DEUP1: variants seen among roughly 807,000 people sequenced by gnomAD.
DEUP1 encodes the protein deuterosome assembly protein 1.
In DEUP1, 82 loss-of-function variants were observed where a neutral mutation model predicts 87.4. That is an observed-to-expected ratio of 0.94 (90% confidence interval 0.78 to 1.13). DEUP1 has a LOEUF of 1.13. DEUP1 is among the 50% of genes most tolerant of loss of function. DEUP1 has a pLI of 0.00. For synonymous variants in DEUP1, 214 were observed against 222.7 expected, an observed-to-expected ratio of 0.96 and a Z score of 0.35; for missense variants, 663 against 681.5, an observed-to-expected ratio of 0.97 and a Z score of 0.30.
chr11:93,330,412 C>G (rs552629974), upstream of DEUP1, among the ~76,000 whole-genome samples: 31 of 152,278 alleles, frequency 2.0e-4, no homozygotes, highest in African/African-American at 7.2e-4. Flanking sequence ...GGAAAGGACC[C>G]AGAATAGAGG....
chr11:93,436,541 A>G (rs1040344669), intron 13 of DEUP1, among the ~76,000 whole-genome samples: 5 of 152,206 alleles, frequency 3.3e-5, no homozygotes, highest in Non-Finnish European at 5.9e-5. Context: ...CTTCTCTAGT[A>G]GAGATACTAT....
chr11:93,378,574 C>A (rs1325149140), intron 7 of DEUP1, among the ~76,000 whole-genome samples: 4 of 152,040 alleles, frequency 2.6e-5, no homozygotes, highest in African/African-American at 9.7e-5. Context: ...ATTTTTCTGG[C>A]AATTCAGAGA....
chr11:93,385,404 G>A lies in DEUP1; in HGVS notation c.796G>A (p.Glu266Lys), dbSNP rs975498709. 1.4e-5 allele frequency: 22 copies of A among 1,613,026 alleles called. No homozygotes were observed. The highest frequency in any genetic ancestry group is 1.8e-5 in the Non-Finnish European group (21 of 1,179,662). ...TTTTGATGTTTTTATTCAGGCCATGGAAGCAGGTCTCTCAGAGGTAAAAAG... is the reference window on the plus strand; with the variant it reads ...TTTTGATGTTTTTATTCAGGCCATGAAAGCAGGTCTCTCAGAGGTAAAAAG... ...KMYQRQCQAM[E>K]AGLSEVKSEL... Residue 266 changes from glutamate to lysine, a missense_variant, in exon 8 of 14, where the codon GAA becomes AAA. Transcript: ENST00000298050.
intron 4 of DEUP1, 138 bp from the exon 5 acceptor site, chr11:93,364,022 T>C: frequency 1.6e-6 from 1 of 631,542 alleles, no homozygotes; most frequent in South Asian, 2.1e-5. Context: ...CTGTCTTCAC[T>C]AATTGAAACA....
intron 2 of DEUP1, among the ~76,000 whole-genome samples, chr11:93,340,282 A>G (rs1220831187): frequency 6.6e-6 from 1 of 152,232 alleles, no homozygotes; most frequent in East Asian, 1.9e-4. Flanking sequence ...AGACATCTGG[A>G]TATCTGGGGG....
chr11:93,357,795 CT>C (rs1446409543), intron 4 of DEUP1, among the ~76,000 whole-genome samples: 4 of 152,020 alleles, frequency 2.6e-5, no homozygotes, highest in Non-Finnish European at 5.9e-5. Flanking sequence ...ATTACTGAAC[CT>C]TTTTAAATAC....
intron 13 of DEUP1, among the ~76,000 whole-genome samples, chr11:93,427,012 G>GAAAAAAAAAAAAAAAAAAAAAAAAAA (rs1215051153): frequency 4.2e-4 from 5 of 11,844 alleles, no homozygotes; most frequent in Non-Finnish European, 5.4e-4. Context: ...AAAAAAAAAA[G>GAAAAAAAAAAAAAAAAAAAAAAAAAA]AAAAAAAAAA....
chr11:93,374,347 T>G (rs1945924667), intron 7 of DEUP1, among the ~76,000 whole-genome samples: 1 of 152,216 alleles, frequency 6.6e-6, no homozygotes. Flanking sequence ...TCATGAAGTC[T>G]TTGCCTATGC....
rs1948281935 is a variant in DEUP1, at chr11:93,437,540, T to C, written c.1639-3T>C. The C allele has an allele frequency of 1.2e-6, 2 of 1,600,488 alleles. No homozygotes were observed. The highest frequency in any genetic ancestry group is 1.7e-6 in the Non-Finnish European group (2 of 1,175,856). ...ACTCACTTTTCTTTCTTTCTCTCTT[T>C]AGTCTCCCCCAGATATGTCCTTCCC... On this transcript the variant is annotated splice_polypyrimidine_tract_variant and splice_region_variant and intron_variant, in intron 13 of 13. Coordinates refer to ENST00000298050, the MANE Select transcript of DEUP1 (RefSeq NM_181645.4).
At chr11:93,432,998 T>C (rs916701864) in intron 13 of DEUP1, among the ~76,000 whole-genome samples, 1 of 152,144 alleles carries the variant, frequency 6.6e-6, no homozygotes, top group African/African-American at 2.4e-5. Flanking sequence ...ATAATTTCAG[T>C]CAATCTCATG....
intron 4 of DEUP1, among the ~76,000 whole-genome samples, chr11:93,359,326 A>G (rs1945050225): frequency 6.6e-6 from 1 of 152,136 alleles, no homozygotes; most frequent in Admixed American, 6.5e-5. Flanking sequence ...CCTTTTAGAA[A>G]TTGCTTTCCT....
At chr11:93,418,069 A>T (rs917740490) in intron 13 of DEUP1, among the ~76,000 whole-genome samples, 1 of 152,232 alleles carries the variant, frequency 6.6e-6, no homozygotes, top group South Asian at 2.1e-4. Context: ...ACCTAAAACC[A>T]TAAAAACTGT....
At chr11:93,387,284 T>A (rs1946606735) in intron 8 of DEUP1, among the ~76,000 whole-genome samples, 1 of 152,188 alleles carries the variant, frequency 6.6e-6, no homozygotes, top group African/African-American at 2.4e-5. Context: ...ATTGTTTTGG[T>A]TTATTTTATT....
At chr11:93,432,080 T>C (rs985336297) in intron 13 of DEUP1, among the ~76,000 whole-genome samples, 1 of 152,096 alleles carries the variant, frequency 6.6e-6, no homozygotes, top group Non-Finnish European at 1.5e-5. Context: ...TTTAAGTCTA[T>C]AGAACTGGAT....
chr11:93,373,210 C>T (rs1945823763), intron 7 of DEUP1, among the ~76,000 whole-genome samples: 1 of 152,044 alleles, frequency 6.6e-6, no homozygotes, highest in African/African-American at 2.4e-5. Flanking sequence ...CTGCTTTGTC[C>T]CTTCTTCTTT....
At chr11:93,413,386 C>A (rs369054884) in intron 12 of DEUP1, among the ~76,000 whole-genome samples, 1 of 151,984 alleles carries the variant, frequency 6.6e-6, no homozygotes, top group Non-Finnish European at 1.5e-5. Context: ...GGACTACAGG[C>A]GCCCGCCATC....
chr11:93,357,909 G>T (rs1944972255), intron 4 of DEUP1, among the ~76,000 whole-genome samples: 1 of 152,084 alleles, frequency 6.6e-6, no homozygotes, highest in Non-Finnish European at 1.5e-5. Flanking sequence ...TAGACATTTT[G>T]CCTATAGTTC....
At chr11:93,384,283 C>G (rs559041272) in intron 7 of DEUP1, among the ~76,000 whole-genome samples, 1 of 152,208 alleles carries the variant, frequency 6.6e-6, no homozygotes, top group South Asian at 2.1e-4. Context: ...ACTGTTAGAA[C>G]ATGATGTTAC....
chr11:93,393,087 CT>C (rs1228305437), intron 9 of DEUP1, among the ~76,000 whole-genome samples: 43 of 94,552 alleles, frequency 4.5e-4, no homozygotes, highest in East Asian at 1.4e-3. Flanking sequence ...CTTCCTCCTT[CT>C]TTTTTTTTTT....
Sources: allele counts gnomAD v4.1 joint callset (sites outside exome capture counted in the v4.1 genomes callset), GRCh38; gene constraint gnomAD v4.1.1; transcripts MANE v1.5; gene names NCBI Gene and HGNC (gene_info 2026-07-23, HGNC 2026-07-21).